PCDHA9: variants seen among roughly 807,000 people sequenced by gnomAD.
PCDHA9 encodes protocadherin alpha 9.
In PCDHA9, 62 loss-of-function variants were observed where a neutral mutation model predicts 62.0. That is an observed-to-expected ratio of 1.00 (90% CI 0.81 to 1.23). The LOEUF is 1.23. Ranked by LOEUF, PCDHA9 falls within the 50% of genes most tolerant of loss-of-function variation. The pLI is 0.00. For missense variants in PCDHA9, 1,205 were observed against 1,249.8 expected, an observed-to-expected ratio of 0.96 and a Z score of 0.54; for synonymous variants, 557 against 567.6, an observed-to-expected ratio of 0.98 and a Z score of 0.27.
intron 1 of PCDHA9, chr5:140,878,115 A>T: frequency 4.3e-6 from 1 of 232,352 alleles, no homozygotes; most frequent in Non-Finnish European, 8.1e-6. Flanking sequence ...AAAAAACAGT[A>T]TATTAGATTA....
chr5:140,958,672 A>G (rs1554223601), intron 1 of PCDHA9, among the ~76,000 whole-genome samples: 1 of 152,218 alleles, frequency 6.6e-6, no homozygotes, highest in African/African-American at 2.4e-5. Context: ...AATTTTAATT[A>G]TAAAGGATAT....
intron 1 of PCDHA9, among the ~76,000 whole-genome samples, chr5:140,921,914 TA>T (rs2080487852): frequency 6.6e-6 from 1 of 152,014 alleles, no homozygotes; most frequent in Admixed American, 6.6e-5. Context: ...TATTACATGA[TA>T]AAACTTATAG....
chr5:140,866,703 G>A (rs553518884), intron 1 of PCDHA9: 1 of 152,106 alleles, frequency 6.6e-6, no homozygotes, highest in East Asian at 1.9e-4. Flanking sequence ...AGTGGATGAC[G>A]TGCACTAGTA....
rs2150522888 is a variant in PCDHA9 at position 140,852,815 on chromosome 5, T to G, written c.2394+1926T>G. 1.8e-5 allele frequency: 18 copies of G among 973,398 alleles called. No homozygotes were observed. In the East Asian group the frequency reaches 1.4e-3, roughly 74 times the overall value. 60.3% of individuals were successfully genotyped at this position (973,398 alleles called of 1,614,324 possible). On this transcript the variant is annotated intron_variant, in intron 1 of 3. Coordinates refer to ENST00000532602, the MANE Select transcript of PCDHA9 (RefSeq NM_031857.2). ...TACAGATGTCATTTGTCTCCCGCCC[T>G]AAGTCCTCCAGTCTCCTTAGAGCTA...
intron 1 of PCDHA9, among the ~76,000 whole-genome samples, chr5:140,937,638 C>A (rs1563161991): frequency 6.7e-6 from 1 of 150,048 alleles, no homozygotes; most frequent in East Asian, 2.1e-4. Flanking sequence ...AAAGGCAGGG[C>A]ATGGTGGCTC....
chr5:140,967,257 G>A (rs782706939), intron 1 of PCDHA9: 2 of 1,613,486 alleles, frequency 1.2e-6, no homozygotes, highest in East Asian at 2.2e-5. Flanking sequence ...GTGGCGCCTG[G>A]AGCGCGCTTT....
chr5:140,911,455 C>G (rs1266220741), intron 1 of PCDHA9, among the ~76,000 whole-genome samples: 3 of 152,132 alleles, frequency 2.0e-5, no homozygotes, highest in African/African-American at 7.2e-5. Flanking sequence ...AGCTCTTTCT[C>G]TACAGGAGAT....
chr5:140,982,507 G>C lies in PCDHA9; in HGVS notation c.2486G>C (p.Arg829Pro). 6.2e-7 allele frequency: 1 copy of C among 1,614,138 alleles called. No homozygotes were observed. ...CACCTAGAGGAGGCTGGCATTCTAC[G>C]GGCTGGTCCAGGAGGGCCTGATCAG... ...SVHLEEAGIL[R>P]AGPGGPDQQW... is the part of the protein sequence containing the mutation. The change falls in exon 3 of 4, where the codon CGG becomes CCG. Residue 829 changes from arginine to proline, a missense_variant. This residue lies in a region of PCDHA9 where 887 missense variants were observed against 809.5 expected (regional missense o/e 1.10). Coordinates refer to ENST00000532602, the MANE Select transcript of PCDHA9 (RefSeq NM_031857.2).
At chr5:140,966,899 C>T in intron 1 of PCDHA9, 2 of 1,598,372 alleles carry the variant, frequency 1.3e-6, no homozygotes, top group African/African-American at 1.3e-5. Context: ...CTCCCAGCTG[C>T]GATACTCTGT....
intron 1 of PCDHA9, chr5:140,882,370 C>T: frequency 6.2e-7 from 1 of 1,614,220 alleles, no homozygotes; most frequent in Non-Finnish European, 8.5e-7. Context: ...TCCACTACTC[C>T]GTCCCCGAGG....
intron 1 of PCDHA9, among the ~76,000 whole-genome samples, chr5:140,953,746 A>G (rs2094931124): frequency 6.6e-6 from 1 of 152,016 alleles, no homozygotes; most frequent in African/African-American, 2.4e-5. Context: ...TTAACATTAC[A>G]TTTATCCAAG....
Position 140,981,745 on chromosome 5 carries a change from T to C in PCDHA9, c.2454-730T>C, listed in dbSNP as rs145941614. On this transcript the variant is annotated intron_variant, in intron 2 of 3. Coordinates refer to ENST00000532602, the MANE Select transcript of PCDHA9 (RefSeq NM_031857.2). ...CAAATATTTGAGAGATTAATATGAG[T>C]TAGTATTAGACATACATAAATGAAT... Among the ~76,000 whole-genome samples the C allele has an allele frequency of 1.1e-3, 160 of 152,294 alleles. 1 individual carries two copies. The East Asian group carries it at 0.027, about 25-fold the overall frequency.
Position 140,850,049 on chromosome 5 carries a change from C to T in PCDHA9, c.1554C>T (p.Tyr518=), listed in dbSNP as rs1354549642. 22 of 1,596,350 alleles carry T rather than the reference C, an allele frequency of 1.4e-5. 2 individuals carry two copies. Among genetic ancestry groups the T allele is most frequent in the Non-Finnish European group, 1.9e-5 (22 of 1,167,808 alleles). Reference sequence around the variant, plus strand: ...TGCACGCGGAGAGCGGCAAGGTGTACGCGCTGCAGCCGTTGGACCACGAGG... The same window carrying T: ...TGCACGCGGAGAGCGGCAAGGTGTATGCGCTGCAGCCGTTGGACCACGAGG... The part of the protein sequence containing the change: ...VSVHAESGKV[Y]ALQPLDHEEL... The change falls in exon 1 of 4, where the codon TAC becomes TAT. Residue 518 remains tyrosine (Y), a synonymous_variant. Coordinates refer to ENST00000532602, the MANE Select transcript of PCDHA9 (RefSeq NM_031857.2).
intron 1 of PCDHA9, chr5:140,967,284 A>C: frequency 6.2e-7 from 1 of 1,613,190 alleles, no homozygotes. Context: ...GAGAGTGCGC[A>C]GGACCCCGAC....
intron 1 of PCDHA9, chr5:140,882,642 A>C (rs2153386129): frequency 6.2e-7 from 1 of 1,614,224 alleles, no homozygotes; most frequent in East Asian, 2.2e-5. Flanking sequence ...AAGGTGAGGG[A>C]CATTAACGAC....
chr5:140,924,978 T>A (rs2082232142), intron 1 of PCDHA9, among the ~76,000 whole-genome samples: 1 of 151,330 alleles, frequency 6.6e-6, no homozygotes, highest in Non-Finnish European at 1.5e-5. Flanking sequence ...CAGTGGCTCA[T>A]GTCTGTAATC....
intron 3 of PCDHA9, among the ~76,000 whole-genome samples, chr5:140,989,839 A>G (rs2097362613): frequency 6.6e-6 from 1 of 152,166 alleles, no homozygotes; most frequent in Admixed American, 6.5e-5. Context: ...CCTGTCAATG[A>G]GTGTGTGGAC....
At chr5:140,863,393 C>G (rs782189753) in intron 1 of PCDHA9, 2 of 924,736 alleles carry the variant, frequency 2.2e-6, no homozygotes, top group Non-Finnish European at 3.3e-6. Flanking sequence ...TCGTGCATGC[C>G]GGGCAAGCCC....
intron 1 of PCDHA9, among the ~76,000 whole-genome samples, chr5:140,871,818 A>G (rs2053326422): frequency 6.6e-6 from 1 of 152,250 alleles, no homozygotes; most frequent in South Asian, 2.1e-4. Flanking sequence ...TAAAGTACCC[A>G]TGCCCCTTCA....
Sources: allele counts gnomAD v4.1 joint callset (sites outside exome capture counted in the v4.1 genomes callset), GRCh38; gene constraint gnomAD v4.1.1; regional missense constraint gnomAD v4.1.1; transcripts MANE v1.5; gene names NCBI Gene and HGNC (gene_info 2026-07-23, HGNC 2026-07-21).